Variants in PUDP observed in about 807,000 individuals in gnomAD.
PUDP encodes the protein pseudouridine-5'-phosphatase.
In PUDP, 8 loss-of-function variants were observed where a neutral mutation model predicts 9.4. That is an observed-to-expected ratio of 0.85 (90% confidence interval 0.50 to 1.53). The LOEUF (loss-of-function observed/expected upper bound fraction) is 1.53, where lower values mean the gene tolerates loss of function less well. Ranked by LOEUF, PUDP falls within the 40% of genes most tolerant of loss-of-function variation. The pLI is 0.00. For missense variants in PUDP, 188 were observed against 189.7 expected, an observed-to-expected ratio of 0.99 and a Z score of 0.05; for synonymous variants, 99 against 80.7, an observed-to-expected ratio of 1.23 and a Z score of -1.22.
intron 3 of PUDP, among the ~76,000 whole-genome samples, chrX:6,908,125 G>T (rs1036813329): frequency 8.9e-6 from 1 of 112,573 alleles, no homozygotes; most frequent in Non-Finnish European, 1.9e-5. Flanking sequence ...ATGCCCGCAT[G>T]GGCTTCTTTG....
At chrX:7,040,637 T>G (rs1225505445) in intron 1 of PUDP, among the ~76,000 whole-genome samples, 1 of 112,132 alleles carries the variant, frequency 8.9e-6, no homozygotes, top group African/African-American at 3.2e-5. Context: ...GTGCTTGAAT[T>G]TTGTAGAATG....
At chrX:7,072,665 T>A (rs1430438699) in intron 3 of PUDP, among the ~76,000 whole-genome samples, 1 of 109,299 alleles carries the variant, frequency 9.1e-6, no homozygotes, top group African/African-American at 3.3e-5. Flanking sequence ...AATAAAAAAA[T>A]TAGCCGGGCG....
At chrX:6,882,380 C>T (rs1470507849) in intron 3 of PUDP, among the ~76,000 whole-genome samples, 1 of 111,418 alleles carries the variant, frequency 9.0e-6, no homozygotes, top group Non-Finnish European at 1.9e-5. Context: ...CCACAAAAAT[C>T]TGGAGAATGA....
chrX:6,780,626 C>T (rs1925544916), intron 3 of PUDP, among the ~76,000 whole-genome samples: 1 of 111,384 alleles, frequency 9.0e-6, no homozygotes, highest in Non-Finnish European at 1.9e-5. Context: ...AGTCCTCATC[C>T]TAGGCTTTAA....
intron 3 of PUDP, among the ~76,000 whole-genome samples, chrX:6,832,388 G>A (rs1412004206): frequency 2.7e-5 from 3 of 112,238 alleles, no homozygotes; most frequent in African/African-American, 6.5e-5. Context: ...GACCTACAAA[G>A]GACAAGGTTG....
At chrX:6,899,097 G>A (rs1168278781) in intron 3 of PUDP, among the ~76,000 whole-genome samples, 4 of 112,039 alleles carry the variant, frequency 3.6e-5, no homozygotes, top group South Asian at 3.7e-4. Flanking sequence ...TCTGTCAATC[G>A]CTCAGTGTGA....
intron 1 of PUDP, among the ~76,000 whole-genome samples, chrX:7,144,635 G>A (rs1187356794): frequency 9.0e-6 from 1 of 111,127 alleles, no homozygotes; most frequent in East Asian, 2.8e-4. Flanking sequence ...ATTTGGCAAG[G>A]AGGAAGCTAC....
intron 2 of PUDP, among the ~76,000 whole-genome samples, chrX:7,099,379 T>C (rs1291221652): frequency 1.8e-5 from 2 of 112,572 alleles, no homozygotes; most frequent in Non-Finnish European, 3.8e-5. Context: ...TCACAAGAGA[T>C]GAACCACATG....
chrX:6,847,529 A>G (rs1276697972), intron 3 of PUDP, among the ~76,000 whole-genome samples: 1 of 112,148 alleles, frequency 8.9e-6, no homozygotes, highest in Non-Finnish European at 1.9e-5. Context: ...GTGACACAAA[A>G]AGATCCCAAC....
intron 1 of PUDP, among the ~76,000 whole-genome samples, chrX:7,004,472 G>C (rs909983947): frequency 9.0e-6 from 1 of 111,680 alleles, no homozygotes; most frequent in African/African-American, 3.3e-5. Flanking sequence ...GGCTTACAAA[G>C]ACTGATATGA....
intron 1 of PUDP, among the ~76,000 whole-genome samples, chrX:7,132,349 A>G: frequency 8.9e-6 from 1 of 112,361 alleles, no homozygotes; most frequent in East Asian, 2.8e-4. Flanking sequence ...GCCTTCCGCC[A>G]TCTGAATGGA....
intron 3 of PUDP, among the ~76,000 whole-genome samples, chrX:6,881,749 C>T (rs1379819074): frequency 1.8e-5 from 2 of 109,758 alleles, no homozygotes; most frequent in Non-Finnish European, 3.8e-5. Flanking sequence ...GACTTAAAGC[C>T]CCTACAAAAA....
intron 1 of PUDP, among the ~76,000 whole-genome samples, chrX:6,980,677 AAAC>A (rs1161803726): frequency 1.1e-4 from 12 of 111,014 alleles, no homozygotes; most frequent in Non-Finnish European, 1.9e-4. Flanking sequence ...AAAAAAAAAA[AAAC>A]AACAAGAATG....
At chrX:7,137,021 G>C (rs1041908234) in intron 1 of PUDP, among the ~76,000 whole-genome samples, 2 of 111,513 alleles carry the variant, frequency 1.8e-5, no homozygotes, top group Admixed American at 1.9e-4. Flanking sequence ...ATAACTCTGT[G>C]CTGAGGTCAG....
chrX:6,799,524 G>C (rs1205407153), intron 3 of PUDP, among the ~76,000 whole-genome samples: 2 of 111,847 alleles, frequency 1.8e-5, no homozygotes, highest in East Asian at 5.6e-4. Flanking sequence ...CCAGGCCTGG[G>C]AAAAGCAGAG....
rs1930937027 is a variant in PUDP, at chrX:7,077,252, T to C, written c.478A>G (p.Lys160Glu). The change falls in exon 3 of 4, where the codon AAG (lysine) becomes GAG (glutamate). Residue 160 changes from lysine (K) to glutamate (E), a missense_variant. Transcript: ENST00000381077. ...ATAGCAGGAGGGGGAGAGAACCTCT[T>C]GGCACAAGCTAGGAAGATGTCCGGG... is the stretch of plus-strand genomic sequence containing the variant. ...PDPDIFLACA[K>E]RFSPPPAMEK... 1 of 1,200,413 alleles carries C rather than the reference T, an allele frequency of 8.3e-7. No individual in the cohort carries two copies. The highest frequency in any genetic ancestry group is 1.1e-6 in the Non-Finnish European group (1 of 889,847).
At chrX:6,860,420 G>A (rs573761025) in intron 3 of PUDP, among the ~76,000 whole-genome samples, 1 of 110,030 alleles carries the variant, frequency 9.1e-6, no homozygotes, top group Non-Finnish European at 1.9e-5. Flanking sequence ...GATTACAAGC[G>A]TGAGCCACTG....
At chrX:6,709,182 C>G (rs945176547) in intron 1 of PUDP, among the ~76,000 whole-genome samples, 1 of 112,038 alleles carries the variant, frequency 8.9e-6, no homozygotes, top group Non-Finnish European at 1.9e-5. Context: ...ATTGAGATTG[C>G]ATTGCCTGTG....
intron 3 of PUDP, among the ~76,000 whole-genome samples, chrX:6,805,678 C>T (rs138116088): frequency 0.02 from 2,148 of 108,038 alleles, 55 homozygotes; most frequent in African/African-American, 0.07. Context: ...CACAACTACA[C>T]GGGGCTAATT....
Sources: gnomAD v4.1 joint callset for allele counts (sites outside exome capture counted in the v4.1 genomes callset) on GRCh38, gnomAD v4.1.1 for gene constraint, MANE v1.5 for transcripts, NCBI Gene and HGNC (gene_info 2026-07-23, HGNC 2026-07-21) for gene names.